COLEC12: variants seen among roughly 807,000 people sequenced by gnomAD.
The protein encoded by COLEC12 is collectin-12.
A neutral mutation model predicts 71.1 loss-of-function variants in COLEC12; 33 were observed. That is an observed-to-expected ratio of 0.46 (90% CI 0.35 to 0.62). The LOEUF is 0.62. Among genes scored for constraint, COLEC12 ranks in the 20% least tolerant of loss-of-function variants. The pLI, the probability that COLEC12 is intolerant of heterozygous loss-of-function variation, is 0.00. For missense variants in COLEC12, 765 were observed against 916.1 expected, an observed-to-expected ratio of 0.84 and a Z score of 2.13; for synonymous variants, 350 against 353.0, an observed-to-expected ratio of 0.99 and a Z score of 0.10.
rs1438624081 is a variant in COLEC12 at position 441,191 on chromosome 18, T to C, written c.58+39516A>G. Among the ~76,000 whole-genome samples, 3 of 149,036 alleles carry C rather than the reference T, an allele frequency of 2.0e-5. No homozygotes were observed. In the East Asian group the frequency reaches 6.0e-4, roughly 30 times the overall value. ...TGAACCCGGGAGGCGGAGCTTGCAG[T>C]GAGCCGAGATTGTGCCACTGCACTC... On this transcript the variant is annotated intron_variant, in intron 2 of 9. Coordinates refer to ENST00000400256, the MANE Select transcript of COLEC12 (RefSeq NM_130386.3).
intron 2 of COLEC12, among the ~76,000 whole-genome samples, chr18:368,401 T>C (rs982777626): frequency 1.3e-5 from 2 of 151,614 alleles, no homozygotes; most frequent in South Asian, 2.1e-4. Context: ...GGTAAAACCT[T>C]ATCTCTACTA....
intron 3 of COLEC12, among the ~76,000 whole-genome samples, chr18:350,329 C>T (rs954505566): frequency 1.3e-5 from 2 of 152,104 alleles, no homozygotes; most frequent in Non-Finnish European, 2.9e-5. Flanking sequence ...TTTTGCCTCC[C>T]ACCATGATTC....
chr18:406,530 A>G (rs981361732), intron 2 of COLEC12, among the ~76,000 whole-genome samples: 1 of 151,466 alleles, frequency 6.6e-6, no homozygotes, highest in African/African-American at 2.4e-5. Flanking sequence ...AAAAAAAAAA[A>G]AAAAAAAAAA....
chr18:356,465 C>A (rs1393542998), intron 3 of COLEC12, among the ~76,000 whole-genome samples: 3 of 152,268 alleles, frequency 2.0e-5, no homozygotes, highest in South Asian at 4.1e-4. Flanking sequence ...ACACACTGTG[C>A]TTTCTCAGGA....
rs1555611780 is a variant in COLEC12 at position 319,329 on chromosome 18, A to ATATATATATATATATATATAT, written c.*715_*716insATATATATATATATATATATA. On this transcript the variant is annotated 3_prime_UTR_variant, in exon 10 of 10. Coordinates refer to ENST00000400256, the MANE Select transcript of COLEC12 (RefSeq NM_130386.3). ...CTGAGGAAATGAAACATTAAAAAAAAAAAAAAAAAAAAATATATATATATA... is the reference window on the plus strand; with the variant it reads ...CTGAGGAAATGAAACATTAAAAAAAATATATATATATATATATATATAAAAAAAAAAAAATATATATATATA... 1 of 29,522 alleles carries ATATATATATATATATATATAT rather than the reference A, an allele frequency of 3.4e-5. No individual in the cohort carries two copies. Among genetic ancestry groups the ATATATATATATATATATATAT allele is most frequent in the Non-Finnish European group, 7.8e-5 (1 of 12,784 alleles). 1.8% of individuals were successfully genotyped at this position (29,522 alleles called of 1,614,324 possible).
intron 3 of COLEC12, among the ~76,000 whole-genome samples, chr18:349,525 C>A (rs2143480974): frequency 6.6e-6 from 1 of 152,288 alleles, no homozygotes; most frequent in East Asian, 1.9e-4. Context: ...ACACAGAGTC[C>A]CTACTGGGGC....
intron 2 of COLEC12, among the ~76,000 whole-genome samples, chr18:382,394 A>C (rs1915252398): frequency 6.6e-6 from 1 of 152,210 alleles, no homozygotes; most frequent in African/African-American, 2.4e-5. Flanking sequence ...ATTTACTTGT[A>C]GGCAAGAAGA....
rs2143565206 is a variant in COLEC12 at position 382,584 on chromosome 18, T to C, written c.59-25062A>G. 1.3e-5 allele frequency among the ~76,000 whole-genome samples: 2 copies of C among 152,326 alleles called. 1 individual carries two copies. Among genetic ancestry groups the C allele is most frequent in the African/African-American group, 4.8e-5 (2 of 41,570 alleles). On this transcript the variant is annotated intron_variant, in intron 2 of 9. Transcript: ENST00000400256. ...TGCTTACCTTAGGCTCAAGTTTCTA[T>C]CTGGACACTCCACTTATTAGCACTA...
intron 2 of COLEC12, among the ~76,000 whole-genome samples, chr18:381,267 C>T (rs1224186547): frequency 6.6e-6 from 1 of 152,164 alleles, no homozygotes; most frequent in African/African-American, 2.4e-5. Flanking sequence ...TGGCATGAAA[C>T]TGGCAGGAGA....
intron 2 of COLEC12, among the ~76,000 whole-genome samples, chr18:471,886 G>C (rs1029994657): frequency 6.6e-6 from 1 of 151,980 alleles, no homozygotes; most frequent in South Asian, 2.1e-4. Context: ...GTGACTCAAC[G>C]TTGGTCAATG....
chr18:406,755 C>T (rs147356751), intron 2 of COLEC12, among the ~76,000 whole-genome samples: 2 of 152,320 alleles, frequency 1.3e-5, no homozygotes, highest in East Asian at 3.9e-4. Context: ...CCTCAGTGCT[C>T]TCCAGGACTG....
chr18:351,703 G>A (rs1049713103), intron 3 of COLEC12, among the ~76,000 whole-genome samples: 3 of 152,126 alleles, frequency 2.0e-5, no homozygotes, highest in Admixed American at 1.3e-4. Context: ...GAGTAGCTGG[G>A]ATTACAGGAG....
At chr18:329,358 T>C (rs1913918095) in intron 8 of COLEC12, among the ~76,000 whole-genome samples, 1 of 152,168 alleles carries the variant, frequency 6.6e-6, no homozygotes. Flanking sequence ...GTGGAGAAGA[T>C]GATTTTTTGT....
Position 473,516 on chromosome 18 carries a change from A to G in COLEC12, c.58+7191T>C, listed in dbSNP as rs1217800794. Among the ~76,000 whole-genome samples, 6 of 86,112 alleles carry G rather than the reference A, an allele frequency of 7.0e-5. No homozygotes were observed. The South Asian group carries it at 1.4e-3, about 20-fold the overall frequency. 56.5% of individuals were successfully genotyped at this position (86,112 alleles called of 152,430 possible). ...GAAGCTGGGATTACAGGCGCGTGCCACAGCGCTCAGCTAATTTTGTATTTT... is the reference window on the plus strand; with the variant it reads ...GAAGCTGGGATTACAGGCGCGTGCCGCAGCGCTCAGCTAATTTTGTATTTT... On this transcript the variant is annotated intron_variant, in intron 2 of 9. Transcript: ENST00000400256.
chr18:398,911 T>C (rs560410336), intron 2 of COLEC12, among the ~76,000 whole-genome samples: 1 of 152,320 alleles, frequency 6.6e-6, no homozygotes, highest in African/African-American at 2.4e-5. Flanking sequence ...TATATATTGA[T>C]TCTAAGTGTC....
At chr18:410,951 C>T (rs1313403164) in intron 2 of COLEC12, among the ~76,000 whole-genome samples, 1 of 152,198 alleles carries the variant, frequency 6.6e-6, no homozygotes, top group Non-Finnish European at 1.5e-5. Flanking sequence ...ACTCTCCTCA[C>T]CTGTTGGGCT....
chr18:420,955 C>A (rs1916087386), intron 2 of COLEC12, among the ~76,000 whole-genome samples: 2 of 152,158 alleles, frequency 1.3e-5, no homozygotes, highest in South Asian at 4.1e-4. Flanking sequence ...AGGTACCAAG[C>A]AACTAGGGAC....
At chr18:329,401 C>T (rs1359219102) in intron 8 of COLEC12, among the ~76,000 whole-genome samples, 1 of 152,130 alleles carries the variant, frequency 6.6e-6, no homozygotes, top group East Asian at 1.9e-4. Context: ...AAAAAAAAGA[C>T]CCCGGCGCTC....
intron 2 of COLEC12, among the ~76,000 whole-genome samples, chr18:464,917 G>C (rs1208590812): frequency 6.6e-6 from 1 of 152,162 alleles, no homozygotes; most frequent in East Asian, 1.9e-4. Context: ...ACCAAGGCTG[G>C]GGGTGACACA....
Sources: allele counts gnomAD v4.1 joint callset (sites outside exome capture counted in the v4.1 genomes callset), GRCh38; gene constraint gnomAD v4.1.1; transcripts MANE v1.5; gene names NCBI Gene and HGNC (gene_info 2026-07-23, HGNC 2026-07-21).